The following NMS variants were observed in gnomAD, a reference collection of about 807,000 sequenced individuals.
NMS encodes neuromedin-S.
Under a neutral mutation model 32.2 loss-of-function variants are expected in NMS, and 30 were observed. The observed-to-expected ratio is 0.93, with a 90% confidence interval of 0.70 to 1.26. The LOEUF (loss-of-function observed/expected upper bound fraction) is 1.26. Ranked by LOEUF, NMS falls within the 50% of genes most tolerant of loss-of-function variation. The probability of loss-of-function intolerance (pLI) is 0.00; values close to 1 mark genes in which losing one functional copy is unlikely to be tolerated. For missense variants in NMS, 190 were observed against 186.3 expected, an observed-to-expected ratio of 1.02 and a Z score of -0.12; for synonymous variants, 76 against 58.5, an observed-to-expected ratio of 1.30 and a Z score of -1.37.
At chr2:100,473,820 A>C (rs921480844) in intron 3 of NMS, among the ~76,000 whole-genome samples, 9 of 152,290 alleles carry the variant, frequency 5.9e-5, no homozygotes, top group South Asian at 2.1e-4. Flanking sequence ...GATATATTGC[A>C]TATTACAAAT....
At chr2:100,472,684 C>A in intron 1 of NMS, 111 bp from the exon 2 acceptor site, 1 of 673,142 alleles carries the variant, frequency 1.5e-6, no homozygotes, top group Non-Finnish European at 2.5e-6. Context: ...TTGAATGGTT[C>A]TTTGGTGGTT....
chr2:100,475,594 T>G (rs556774747), intron 3 of NMS, among the ~76,000 whole-genome samples: 94 of 152,246 alleles, frequency 6.2e-4, no homozygotes, highest in African/African-American at 2.1e-3. Flanking sequence ...GTGCTAGGGA[T>G]GGGGTAGTAA....
intron 6 of NMS, 124 bp from the exon 7 acceptor site, chr2:100,480,372 C>G: frequency 1.1e-6 from 1 of 940,686 alleles, no homozygotes; most frequent in Non-Finnish European, 1.7e-6. Flanking sequence ...CTCTCCACCT[C>G]CTCTTTTGCA....
intron 6 of NMS, among the ~76,000 whole-genome samples, 163 bp downstream of exon 6, chr2:100,479,590 C>T (rs1200556463): frequency 6.6e-6 from 1 of 152,238 alleles, no homozygotes; most frequent in Non-Finnish European, 1.5e-5. Context: ...TTTGACCTCC[C>T]CGGGCCTCAG....
intron 7 of NMS, among the ~76,000 whole-genome samples, 182 bp downstream of exon 7, chr2:100,480,713 C>T (rs1443553272): frequency 6.6e-6 from 1 of 152,160 alleles, no homozygotes; most frequent in African/African-American, 2.4e-5. Context: ...CTGGGGCAGA[C>T]AGGAACCTTA....
intron 5 of NMS, among the ~76,000 whole-genome samples, chr2:100,478,742 C>T (rs1677159871): frequency 6.6e-6 from 1 of 152,236 alleles, no homozygotes; most frequent in South Asian, 2.1e-4. Context: ...TGGCCTCCCA[C>T]TGCACCTGGC....
chr2:100,482,278 C>G lies in NMS; in HGVS notation c.416C>G (p.Pro139Arg). ...TWGRPFFLFR[P>R]RNGRNIEDEA... ...ATAAGTTGCTCCTTTTTTTTTCAGC[C>G]CAGGAATGGAAGAAACATTGAAGAT... The change falls in exon 9 of 10, where the codon CCC (proline) becomes CGC (arginine). Residue 139 changes from proline (P) to arginine (R), a missense_variant and splice_region_variant. Transcript: ENST00000376865. 2 of 1,613,128 alleles carry G rather than the reference C, an allele frequency of 1.2e-6. No homozygotes were observed. The highest frequency in any genetic ancestry group is 1.7e-6 in the Non-Finnish European group (2 of 1,179,644).
chr2:100,477,462 G>A, intron 5 of NMS, 48 bp downstream of exon 5: 1 of 1,380,166 alleles, frequency 7.2e-7, no homozygotes, highest in South Asian at 1.2e-5. Flanking sequence ...GCTCTCCTCT[G>A]CATGTCGTCC....
intron 9 of NMS, 151 bp from the exon 10 acceptor site, chr2:100,483,101 A>C (rs1677250520): frequency 1.5e-6 from 1 of 667,500 alleles, no homozygotes; most frequent in Non-Finnish European, 2.6e-6. Flanking sequence ...TCTTGTAAGT[A>C]CTGATTGTGG....
At chr2:100,478,656 G>T (rs1342194837) in intron 5 of NMS, among the ~76,000 whole-genome samples, 1 of 152,144 alleles carries the variant, frequency 6.6e-6, no homozygotes, top group Non-Finnish European at 1.5e-5. Flanking sequence ...TAAAGACGGG[G>T]TTTCACCATG....
intron 8 of NMS, among the ~76,000 whole-genome samples, chr2:100,481,538 G>A (rs1677215889): frequency 6.6e-6 from 1 of 152,176 alleles, no homozygotes; most frequent in Non-Finnish European, 1.5e-5. Context: ...CTGGGTGACA[G>A]AGATTCTTGC....
intron 7 of NMS, among the ~76,000 whole-genome samples, 176 bp from the exon 8 acceptor site, chr2:100,480,950 C>A (rs911291297): frequency 6.6e-6 from 1 of 152,194 alleles, no homozygotes; most frequent in Non-Finnish European, 1.5e-5. Context: ...GCCCCACCCC[C>A]AAAGATTCAG....
intron 9 of NMS, among the ~76,000 whole-genome samples, chr2:100,482,868 C>T (rs949933448): frequency 1.3e-5 from 2 of 152,200 alleles, no homozygotes; most frequent in Non-Finnish European, 2.9e-5. Flanking sequence ...CTCCGGGCCT[C>T]CTCTGTTTCT....
intron 2 of NMS, among the ~76,000 whole-genome samples, chr2:100,473,243 T>G (rs1320126792): frequency 1.8e-4 from 28 of 152,180 alleles, no homozygotes. Context: ...GGAAATGGAA[T>G]ATCGATGGAT....
chr2:100,477,511 G>A, intron 5 of NMS, 97 bp downstream of exon 5: 1 of 872,814 alleles, frequency 1.1e-6, no homozygotes, highest in Non-Finnish European at 1.8e-6. Flanking sequence ...GAAAAGCTGG[G>A]GGCTCCGGAC....
chr2:100,482,294 C>T lies in NMS; in HGVS notation c.432C>T (p.Asn144=). The change falls in exon 9 of 10, where the codon AAC becomes AAT. Residue 144 remains asparagine, a synonymous_variant. Transcript: ENST00000376865. ...FFLFRPRNGR[N]IEDEAQIQW ...TTTTTCAGCCCAGGAATGGAAGAAA[C>T]ATTGAAGATGAGGCCCAGTAGGTAG... 1 of 1,613,792 alleles carries T rather than the reference C, an allele frequency of 6.2e-7. No individual in the cohort carries two copies. Among genetic ancestry groups the T allele is most frequent in the South Asian group, 1.1e-5 (1 of 91,042 alleles).
At chr2:100,482,658 G>A (rs1406585604) in intron 9 of NMS, among the ~76,000 whole-genome samples, 1 of 152,166 alleles carries the variant, frequency 6.6e-6, no homozygotes, top group Non-Finnish European at 1.5e-5. Context: ...CCTTGATAAG[G>A]AAACACCACC....
At chr2:100,470,912 A>G (rs961257892) in intron 1 of NMS, among the ~76,000 whole-genome samples, 3 of 152,206 alleles carry the variant, frequency 2.0e-5, no homozygotes, top group South Asian at 4.1e-4. Context: ...TTCTGAAGAG[A>G]CGAGGACAGA....
intron 7 of NMS, 98 bp downstream of exon 7, chr2:100,480,629 C>T: frequency 3.2e-6 from 4 of 1,243,594 alleles, no homozygotes; most frequent in Non-Finnish European, 4.7e-6. Flanking sequence ...CCCCTCCAGA[C>T]CAGTTCTGGG....
Sources: allele counts gnomAD v4.1 joint callset (sites outside exome capture counted in the v4.1 genomes callset), GRCh38; gene constraint gnomAD v4.1.1; transcripts MANE v1.5; gene names NCBI Gene and HGNC (gene_info 2026-07-23, HGNC 2026-07-21).